CHRNE: variants seen among roughly 807,000 people sequenced by gnomAD.
CHRNE encodes acetylcholine receptor subunit epsilon.
A neutral mutation model predicts 56.5 loss-of-function variants in CHRNE; 58 were observed. The ratio of observed to expected loss-of-function variants is 1.03; its 90% CI spans 0.83 to 1.28. The LOEUF (loss-of-function observed/expected upper bound fraction) is 1.28, where lower values mean the gene tolerates loss of function less well. Ranked by LOEUF, CHRNE falls within the 50% of genes most tolerant of loss-of-function variation. CHRNE has a pLI of 0.00. For synonymous variants in CHRNE, 385 were observed against 297.9 expected (o/e 1.29, Z -3.01); for missense variants, 793 against 688.9 (o/e 1.15, Z -1.69).
rs202127846 is a variant in CHRNE at position 4,901,204 on chromosome 17, G to A, written c.602-14C>T. On this transcript the variant is annotated splice_polypyrimidine_tract_variant and intron_variant, in intron 6 of 11. Coordinates refer to ENST00000649488, the MANE Select transcript of CHRNE (RefSeq NM_000080.4). ...ACTCGCCGTTCTCTGCGGGACGGGG[G>A]CACGGTCAGCTGGCTGTCAGAGCGG... 11 of 1,598,174 alleles carry A rather than the reference G, an allele frequency of 6.9e-6. 1 individual carries two copies. The highest frequency in any genetic ancestry group is 6.7e-5 in the East Asian group (3 of 44,766).
chr17:4,900,919 GC>G lies in CHRNE; in HGVS notation c.803-13del, dbSNP rs1969961898. 1.9e-6 allele frequency: 3 copies of G among 1,613,986 alleles called. No individual in the cohort carries two copies. Among genetic ancestry groups the G allele is most frequent in the African/African-American group, 1.3e-5 (1 of 74,942 alleles). On this transcript the variant is annotated splice_polypyrimidine_tract_variant and intron_variant, in intron 7 of 11. Transcript: ENST00000649488. ...TTTCTGGCCGCCGGCTGGAGGGAGA[GC>G]CAGTGAGAGCGGGCCCCGCCTCCCG...
upstream of CHRNE, among the ~76,000 whole-genome samples, chr17:4,905,272 G>C (rs574910921): frequency 5.9e-5 from 9 of 152,314 alleles, no homozygotes; most frequent in East Asian, 1.7e-3. Context: ...GTTTTGGCCA[G>C]GCACAGTGGC....
chr17:4,907,590 A>AAAAAAAT (rs386627263), upstream of CHRNE, among the ~76,000 whole-genome samples: 123 of 124,974 alleles, frequency 9.8e-4, 5 homozygotes, highest in African/African-American at 1.4e-3. Flanking sequence ...AAAAAAAAAA[A>AAAAAAAT]CACTCTCAGC....
rs749454549 is a variant in CHRNE, at chr17:4,901,616, C to A, written c.510G>T (p.Thr170=). 2.5e-6 allele frequency: 4 copies of A among 1,614,000 alleles called. No homozygotes were observed. The South Asian group carries it at 4.4e-5, about 18-fold the overall frequency. ...TGAACTCCACCTCTTCGGCATTGTA[C>A]GTCTGAGAGCTGCGGAGCCAGGGCC... ...QNCSLIFRSQ[T]YNAEEVEFTF... is the part of the protein sequence containing the mutation. The change falls in exon 6 of 12, where the codon ACG becomes ACT. Residue 170 remains threonine (T), a synonymous_variant. Coordinates refer to ENST00000649488, the MANE Select transcript of CHRNE (RefSeq NM_000080.4).
At position 4,898,904 on chromosome 17, in the gene CHRNE, C is replaced by T. The variant is rs745934587; in HGVS notation, c.1327-13G>A. The T allele has an allele frequency of 3.2e-6, 5 of 1,572,656 alleles. No homozygotes were observed. The highest frequency in any genetic ancestry group is 2.6e-6 in the Non-Finnish European group (3 of 1,159,424). ...AGTCGGACACTTCCTGGGGAAGGGT[C>T]GGCACAGTCAGTAAAGAGGCAGCTG... On this transcript the variant is annotated splice_polypyrimidine_tract_variant and intron_variant, in intron 11 of 11. Transcript: ENST00000649488.
In CHRNE at chr17:4,900,849, CAAG is replaced by C. The variant is rs1178008902; in HGVS notation, c.858_860del (p.Phe286del). The C allele has an allele frequency of 6.2e-6, 10 of 1,614,204 alleles. No homozygotes were observed. Among genetic ancestry groups the C allele is most frequent in the Non-Finnish European group, 7.6e-6 (9 of 1,180,008 alleles). ...CTGGGATTTTCTGGGCAATGAGGAA[CAAG>C]AAGACGGTCTGGGCGAGCAGGACGT... On this transcript the variant is annotated inframe_deletion, in exon 8 of 12. Transcript: ENST00000649488.
chr17:4,899,158 C>T (rs1172169783), intron 10 of CHRNE, 40 bp downstream of exon 10: 17 of 1,593,292 alleles, frequency 1.1e-5, no homozygotes, highest in Non-Finnish European at 1.3e-5. Flanking sequence ...CCCTGGCAGG[C>T]ACCCCGCGCG....
chr17:4,900,224 G>A (rs1373369369), intron 8 of CHRNE: 10 of 1,545,916 alleles, frequency 6.5e-6, no homozygotes, highest in Non-Finnish European at 7.9e-6. Flanking sequence ...TAACCCCTGT[G>A]CCCCCAATGC....
At chr17:4,901,874 G>GC (rs1969998538) in intron 5 of CHRNE, 58 bp downstream of exon 5, 208 of 765,448 alleles carry the variant, frequency 2.7e-4, no homozygotes, top group Middle Eastern at 8.0e-4. Flanking sequence ...GGTTGGCCCC[G>GC]CCCCATAAGG....
upstream of CHRNE, among the ~76,000 whole-genome samples, chr17:4,903,793 AAC>A (rs1466702006): frequency 3.3e-5 from 5 of 152,028 alleles, no homozygotes; most frequent in Admixed American, 6.6e-5. Flanking sequence ...TACTCTCCTA[AAC>A]ACACACGTGC....
chr17:4,898,732 C>G lies in CHRNE; in HGVS notation c.*4G>C. 1.2e-6 allele frequency: 2 copies of G among 1,608,666 alleles called. No homozygotes were observed. The highest frequency in any genetic ancestry group is 2.7e-5 in the African/African-American group (2 of 75,006). On this transcript the variant is annotated 3_prime_UTR_variant, in exon 12 of 12. Transcript: ENST00000649488. The stretch of plus-strand genomic sequence containing the variant: ...GATGGGTGGGAAATTGAAGTCGGTG[C>G]GAGCTAAGGCTGGATACACGGCGCG...
In CHRNE at chr17:4,898,870, T is replaced by C. The variant is rs1363191460; in HGVS notation, c.1348A>G (p.Met450Val). 1 of 1,585,960 alleles carries C rather than the reference T, an allele frequency of 6.3e-7. No homozygotes were observed. Among genetic ancestry groups the C allele is most frequent in the Non-Finnish European group, 8.6e-7 (1 of 1,166,726 alleles). ...TGEEVSDWVR[M>V]GNALDNICFW... Reference sequence around the variant, plus strand: ...CAGATGTTGTCAAGGGCATTCCCCATGCGCACCCAGTCGGACACTTCCTGG... The same window carrying C: ...CAGATGTTGTCAAGGGCATTCCCCACGCGCACCCAGTCGGACACTTCCTGG... The change falls in exon 12 of 12, where the codon ATG (methionine) becomes GTG (valine). Residue 450 changes from methionine to valine, a missense_variant. By Grantham distance (21) the Met-to-Val change is conservative. Coordinates refer to ENST00000649488, the MANE Select transcript of CHRNE (RefSeq NM_000080.4).
At position 4,899,007 on chromosome 17, in the gene CHRNE, G is replaced by T. The variant is rs1292101958; in HGVS notation, c.1320C>A (p.Thr440=). 3 of 1,599,088 alleles carry T rather than the reference G, an allele frequency of 1.9e-6. No individual in the cohort carries two copies. The highest frequency in any genetic ancestry group is 1.3e-5 in the African/African-American group (1 of 74,906). The change falls in exon 11 of 12, where the codon ACC becomes ACA. Residue 440 remains threonine, a synonymous_variant. Coordinates refer to ENST00000649488, the MANE Select transcript of CHRNE (RefSeq NM_000080.4). ...CCTCTGGCTCCTGTCCCACCTCGCC[G>T]GTGGCCTCCTGATCTCTCGTGCTCT... ...VAESTRDQEA[T]GEEVSDWVRM... is the part of the protein sequence containing the mutation.
At position 4,899,859 on chromosome 17, in the gene CHRNE, C is replaced by T. The variant is rs1349875523; in HGVS notation, c.918-277G>A. 11 of 1,549,206 alleles carry T rather than the reference C, an allele frequency of 7.1e-6. No individual in the cohort carries two copies. The South Asian group carries it at 7.1e-5, about 10-fold the overall frequency. ...GCTACGCCCGCCAAGGGCTGCACCT[C>T]GAGACCTTCTGGGTAGGTCTCCTGT... is the stretch of plus-strand genomic sequence containing the variant. On this transcript the variant is annotated intron_variant, in intron 8 of 11. Coordinates refer to ENST00000649488, the MANE Select transcript of CHRNE (RefSeq NM_000080.4).
In CHRNE at chr17:4,899,128, G is replaced by A. The variant is rs544823894; in HGVS notation, c.1220-21C>T. The stretch of plus-strand genomic sequence containing the variant: ...GGCAGCTGGCGGGGAAAACACCGGG[G>A]TGGGCCTTAGGAGCCTCCCCCCTGG... On this transcript the variant is annotated intron_variant, in intron 10 of 11. Transcript: ENST00000649488. The A allele has an allele frequency of 4.4e-6, 7 of 1,602,762 alleles. No individual in the cohort carries two copies. The East Asian group carries it at 1.3e-4, about 31-fold the overall frequency.
rs746772722 is a variant in CHRNE at position 4,900,994 on chromosome 17, C to T, written c.798G>A (p.Ala266=). The T allele has an allele frequency of 1.2e-6, 2 of 1,613,940 alleles. No homozygotes were observed. The highest frequency in any genetic ancestry group is 1.6e-4 in the Middle Eastern group (1 of 6,062). The part of the protein sequence containing the change: ...GLVLLAYFLP[A]QAGGQKCTVS... Reference sequence around the variant, plus strand: ...AGGTTCGGGGCCACTGCTTACCCTGCGCCGGCAGGAAGTAGGCGAGCAGCA... The same window carrying T: ...AGGTTCGGGGCCACTGCTTACCCTGTGCCGGCAGGAAGTAGGCGAGCAGCA... The change falls in exon 7 of 12, where the codon GCG becomes GCA. Residue 266 remains alanine, a synonymous_variant. Coordinates refer to ENST00000649488, the MANE Select transcript of CHRNE (RefSeq NM_000080.4).
chr17:4,902,519 T>C lies in CHRNE; in HGVS notation c.190-25A>G. The C allele has an allele frequency of 1.9e-6, 3 of 1,613,998 alleles. No homozygotes were observed. The highest frequency in any genetic ancestry group is 1.1e-5 in the South Asian group (1 of 91,084). On this transcript the variant is annotated intron_variant, in intron 2 of 11. Transcript: ENST00000649488. The surrounding 1 kb of genome is among the most constrained non-coding windows in gnomAD (Gnocchi z 4.0). The stretch of plus-strand genomic sequence containing the variant: ...TCTGCAGATGGGAGATGGGGATGAT[T>C]GAAGTGAGATTTCAGGGCCAGAAGT...
Position 4,900,920 on chromosome 17 carries a change from C to T in CHRNE, c.803-13G>A. The T allele has an allele frequency of 6.2e-7, 1 of 1,614,116 alleles. No homozygotes were observed. The highest frequency in any genetic ancestry group is 8.5e-7 in the Non-Finnish European group (1 of 1,179,974). ...TTCTGGCCGCCGGCTGGAGGGAGAG[C>T]CAGTGAGAGCGGGCCCCGCCTCCCG... On this transcript the variant is annotated splice_polypyrimidine_tract_variant and intron_variant, in intron 7 of 11. Coordinates refer to ENST00000649488, the MANE Select transcript of CHRNE (RefSeq NM_000080.4).
upstream of CHRNE, among the ~76,000 whole-genome samples, chr17:4,907,222 T>G (rs914347267): frequency 6.7e-6 from 1 of 149,640 alleles, no homozygotes; most frequent in Non-Finnish European, 1.5e-5. Context: ...AAAGGATAAA[T>G]GATTGGGGGA....
Sources: gnomAD v4.1 joint callset for allele counts (sites outside exome capture counted in the v4.1 genomes callset) on GRCh38, gnomAD v4.1.1 for gene constraint, Gnocchi (gnomAD v3.1) non-coding constraint, MANE v1.5 for transcripts, NCBI Gene and HGNC (gene_info 2026-07-23, HGNC 2026-07-21) for gene names.